The following E2F6 variants were observed in gnomAD, a reference collection of about 807,000 sequenced individuals.
E2F6 encodes transcription factor E2F6.
In E2F6, 19 loss-of-function variants were observed where a neutral mutation model predicts 31.5. The ratio of observed to expected loss-of-function variants is 0.60; its 90% CI spans 0.42 to 0.89. The LOEUF (loss-of-function observed/expected upper bound fraction) is 0.89. Ranked by LOEUF, E2F6 falls within the 40% of genes least tolerant of loss-of-function variation. The probability of loss-of-function intolerance (pLI) is 0.00; values close to 1 mark genes in which losing one functional copy is unlikely to be tolerated. For missense variants in E2F6, 269 were observed against 341.6 expected, an observed-to-expected ratio of 0.79 and a Z score of 1.67; for synonymous variants, 121 against 127.7, an observed-to-expected ratio of 0.95 and a Z score of 0.36.
chr2:11,450,162 G>C (rs369415494), intron 4 of E2F6, 36 bp from the exon 5 acceptor site: 159 of 1,387,674 alleles, frequency 1.1e-4, no homozygotes, highest in Middle Eastern at 1.8e-4. Context: ...ACAGAATGCT[G>C]TTTACTGGGG....
chr2:11,450,002 G>C lies in E2F6; in HGVS notation c.651+10C>G. 2 of 1,598,272 alleles carry C rather than the reference G, an allele frequency of 1.3e-6. No homozygotes were observed. The highest frequency in any genetic ancestry group is 1.7e-6 in the Non-Finnish European group (2 of 1,167,494). ...TCTTTAAATCTTTTTAAAAATGCAGGGTTACCTACTTCTCTGGGAGCTGGA... is the reference window on the plus strand; with the variant it reads ...TCTTTAAATCTTTTTAAAAATGCAGCGTTACCTACTTCTCTGGGAGCTGGA... On this transcript the variant is annotated intron_variant, in intron 5 of 6. Transcript: ENST00000381525.
intron 2 of E2F6, chr2:11,456,978 A>T: frequency 1.8e-6 from 1 of 551,216 alleles, no homozygotes; most frequent in Non-Finnish European, 3.3e-6. Flanking sequence ...AGACTGTTCT[A>T]TGGAGAATAA....
chr2:11,458,349 C>T (rs1223363925), intron 1 of E2F6: 1 of 1,551,698 alleles, frequency 6.4e-7, no homozygotes, highest in Admixed American at 2.0e-5. Flanking sequence ...CCTGAATAAA[C>T]AACTGTGGGG....
chr2:11,451,546 A>C, intron 4 of E2F6, 105 bp downstream of exon 4: 1 of 1,197,880 alleles, frequency 8.3e-7, no homozygotes. Context: ...CAATGGTCTA[A>C]TTTTATATCT....
chr2:11,465,687 G>T, intron 1 of E2F6, 85 bp downstream of exon 1: 1 of 1,420,718 alleles, frequency 7.0e-7, no homozygotes, highest in Non-Finnish European at 9.7e-7. Flanking sequence ...CCCAGACGAC[G>T]GCCAGCGGGG....
At chr2:11,450,218 G>A (rs917724188) in intron 4 of E2F6, 92 bp from the exon 5 acceptor site, 8 of 724,228 alleles carry the variant, frequency 1.1e-5, no homozygotes, top group Non-Finnish European at 1.7e-5. Context: ...GGTAATGTTA[G>A]AATGTTTTTA....
chr2:11,462,449 C>G (rs1433924379), intron 1 of E2F6, among the ~76,000 whole-genome samples: 1 of 152,200 alleles, frequency 6.6e-6, no homozygotes, highest in Non-Finnish European at 1.5e-5. Context: ...AATGTGGTCT[C>G]TCTCTCAAAA....
intron 3 of E2F6, among the ~76,000 whole-genome samples, chr2:11,453,184 T>A (rs1243444060): frequency 6.6e-6 from 1 of 152,168 alleles, no homozygotes; most frequent in Non-Finnish European, 1.5e-5. Context: ...TTTTTTTTTT[T>A]TAATATTCAG....
At chr2:11,446,735 C>G (rs185224034) in intron 6 of E2F6, among the ~76,000 whole-genome samples, 3 of 152,320 alleles carry the variant, frequency 2.0e-5, no homozygotes, top group Admixed American at 1.3e-4. Flanking sequence ...CCTGAAAGCA[C>G]CCGTCCGAGA....
chr2:11,448,097 A>C (rs1055719557), intron 5 of E2F6, among the ~76,000 whole-genome samples: 2 of 152,202 alleles, frequency 1.3e-5, no homozygotes, highest in African/African-American at 4.8e-5. Flanking sequence ...CACAGGATAA[A>C]TATGTGCTTG....
intron 1 of E2F6, among the ~76,000 whole-genome samples, chr2:11,461,622 G>A (rs1671788339): frequency 6.6e-6 from 1 of 152,208 alleles, no homozygotes; most frequent in South Asian, 2.1e-4. Context: ...CGAAGTGCTG[G>A]GATTACAGGC....
intron 5 of E2F6, among the ~76,000 whole-genome samples, chr2:11,448,736 A>C (rs146618618): frequency 0.012 from 1,758 of 152,376 alleles, 18 homozygotes; most frequent in Non-Finnish European, 0.016. Context: ...ACTTCCATAA[A>C]GGCTGAGATG....
chr2:11,455,721 A>G (rs1297982481), intron 2 of E2F6, among the ~76,000 whole-genome samples: 3 of 152,236 alleles, frequency 2.0e-5, no homozygotes, highest in South Asian at 4.1e-4. Context: ...CTGAGGGGAT[A>G]TGAATAGGAT....
At chr2:11,457,261 T>C in intron 1 of E2F6, 28 bp from the exon 2 acceptor site, 1 of 1,396,112 alleles carries the variant, frequency 7.2e-7, no homozygotes, top group Admixed American at 1.7e-5. Context: ...AAATTTAACT[T>C]AGTGATTTTA....
rs944936411 is a variant in E2F6 at position 11,453,484 on chromosome 2, A to G, written c.380+98T>C. The G allele has an allele frequency of 1.5e-5, 17 of 1,127,430 alleles. No homozygotes were observed. The African/African-American group carries it at 2.3e-4, about 15-fold the overall frequency. 69.8% of individuals were successfully genotyped at this position (1,127,430 alleles called of 1,614,324 possible). A position where few individuals can be genotyped will look rare whatever the true frequency, so the allele number is the denominator to read the frequency against. On this transcript the variant is annotated intron_variant, in intron 3 of 6. Transcript: ENST00000381525. The stretch of plus-strand genomic sequence containing the variant: ...TTCTAACAAGAAGTCGTACCTTTGT[A>G]TTATATTGTCAAAACACTGCCACTA...
In E2F6 at chr2:11,453,778, G is replaced by C. The variant is rs760693833; in HGVS notation, c.184C>G (p.Pro62Ala). Reference sequence around the variant, plus strand: ...TAAACCAGCGATACATCAAAACGAGGTCTCTTCACTTTTAGAGCTTCTGGG... The same window carrying C: ...TAAACCAGCGATACATCAAAACGAGCTCTCTTCACTTTTAGAGCTTCTGGG... ...SMRKALKVKR[P>A]RFDVSLVYLT... The change falls in exon 3 of 7, where the codon CCT (proline) becomes GCT (alanine). Residue 62 changes from proline (P) to alanine (A), a missense_variant. Pro to Ala is a conservative substitution (Grantham distance 27). Transcript: ENST00000381525. The C allele has an allele frequency of 6.2e-7, 1 of 1,613,972 alleles. No individual in the cohort carries two copies. Among genetic ancestry groups the C allele is most frequent in the East Asian group, 2.2e-5 (1 of 44,878 alleles).
At chr2:11,450,800 C>T (rs1002857197) in intron 4 of E2F6, among the ~76,000 whole-genome samples, 3 of 151,770 alleles carry the variant, frequency 2.0e-5, no homozygotes, top group South Asian at 2.1e-4. Context: ...CTTTTCCTTC[C>T]AGTACCTGTA....
intron 1 of E2F6, among the ~76,000 whole-genome samples, chr2:11,457,779 G>A (rs1020360610): frequency 3.9e-5 from 6 of 152,186 alleles, no homozygotes; most frequent in Admixed American, 3.9e-4. Flanking sequence ...CTATTATTAA[G>A]TACACGTGGT....
intron 2 of E2F6, among the ~76,000 whole-genome samples, chr2:11,456,441 G>C (rs1671409595): frequency 6.6e-6 from 1 of 152,034 alleles, no homozygotes; most frequent in Non-Finnish European, 1.5e-5. Context: ...AAAGACTCTG[G>C]GCTCTTGCGT....
Sources: allele counts gnomAD v4.1 joint callset (sites outside exome capture counted in the v4.1 genomes callset), GRCh38; gene constraint gnomAD v4.1.1; transcripts MANE v1.5; gene names NCBI Gene and HGNC (gene_info 2026-07-23, HGNC 2026-07-21).